The following CTNNA2 variants were observed in gnomAD, a reference collection of about 807,000 sequenced individuals.
CTNNA2 encodes catenin alpha 2.
In CTNNA2, 42 loss-of-function variants were observed where a neutral mutation model predicts 101.0. That is an observed-to-expected ratio of 0.42 (90% confidence interval 0.32 to 0.54). The LOEUF is 0.54. Among genes scored for constraint, CTNNA2 ranks in the 20% least tolerant of loss-of-function variants. CTNNA2 has a pLI of 0.14. For missense variants in CTNNA2, 871 were observed against 1,223.1 expected (o/e 0.71, Z 4.29); for synonymous variants, 450 against 456.4 (o/e 0.99, Z 0.18).
intron 7 of CTNNA2, among the ~76,000 whole-genome samples, chr2:80,237,981 G>A (rs1709633529): frequency 6.7e-6 from 1 of 149,764 alleles, no homozygotes; most frequent in East Asian, 1.9e-4. Flanking sequence ...TCTTTTTCTT[G>A]CTCCCCCTAG....
intron 4 of CTNNA2, among the ~76,000 whole-genome samples, chr2:79,462,782 G>T (rs1029908302): frequency 1.3e-5 from 2 of 152,176 alleles, no homozygotes; most frequent in Non-Finnish European, 2.9e-5. Flanking sequence ...TCTGTGCCAG[G>T]TGCTGACTCT....
At chr2:79,388,298 T>G (rs1278920760) in intron 4 of CTNNA2, among the ~76,000 whole-genome samples, 2 of 152,192 alleles carry the variant, frequency 1.3e-5, no homozygotes, top group African/African-American at 4.8e-5. Context: ...GGAAGCTGAC[T>G]TCTGGGAGGT....
chr2:79,817,594 A>C (rs1329207873), intron 3 of CTNNA2, among the ~76,000 whole-genome samples: 2 of 151,598 alleles, frequency 1.3e-5, no homozygotes, highest in African/African-American at 4.8e-5. Context: ...GCACCAGGAG[A>C]CCTCTCTTAA....
chr2:79,402,317 A>C (rs1329726937), intron 4 of CTNNA2, among the ~76,000 whole-genome samples: 1 of 151,806 alleles, frequency 6.6e-6, no homozygotes, highest in Non-Finnish European at 1.5e-5. Flanking sequence ...TATAAACCTC[A>C]TAGATAGATG....
chr2:80,615,407 A>G (rs776441691), intron 17 of CTNNA2, among the ~76,000 whole-genome samples: 4 of 151,580 alleles, frequency 2.6e-5, no homozygotes. Context: ...CATCCCTACT[A>G]TGTAAAAGGC....
At chr2:79,333,173 A>G (rs1290782386) in intron 3 of CTNNA2, among the ~76,000 whole-genome samples, 2 of 152,140 alleles carry the variant, frequency 1.3e-5, no homozygotes, top group African/African-American at 4.8e-5. Flanking sequence ...CCTATTAGAA[A>G]AGATAATAAG....
chr2:80,461,536 A>G (rs1201030045), intron 9 of CTNNA2, among the ~76,000 whole-genome samples: 2 of 151,832 alleles, frequency 1.3e-5, no homozygotes, highest in African/African-American at 2.4e-5. Flanking sequence ...CTGCCTTATC[A>G]TGCCTTAACT....
At chr2:80,265,287 A>C (rs907263451) in intron 7 of CTNNA2, among the ~76,000 whole-genome samples, 2 of 152,138 alleles carry the variant, frequency 1.3e-5, no homozygotes, top group Non-Finnish European at 2.9e-5. Context: ...GAAGAGTTCT[A>C]GGCAGAAGAG....
chr2:79,220,271 T>A (rs188949648), intron 2 of CTNNA2, among the ~76,000 whole-genome samples: 1 of 152,278 alleles, frequency 6.6e-6, no homozygotes, highest in Non-Finnish European at 1.5e-5. Flanking sequence ...TTAAGATCTC[T>A]TATTCCAACT....
At chr2:79,214,791 T>C (rs1674225885) in intron 2 of CTNNA2, among the ~76,000 whole-genome samples, 1 of 152,026 alleles carries the variant, frequency 6.6e-6, no homozygotes. Flanking sequence ...CTCGGCCTAA[T>C]AAGGGAACTG....
intron 1 of CTNNA2, among the ~76,000 whole-genome samples, chr2:79,533,919 G>A (rs773449968): frequency 2.0e-5 from 3 of 152,024 alleles, no homozygotes; most frequent in Non-Finnish European, 2.9e-5. Flanking sequence ...TCTCCTGCTC[G>A]GCCTTGCTGG....
chr2:80,300,973 C>T (rs763024738), intron 7 of CTNNA2, among the ~76,000 whole-genome samples: 1 of 151,808 alleles, frequency 6.6e-6, no homozygotes, highest in Non-Finnish European at 1.5e-5. Flanking sequence ...GGAAAGCAAG[C>T]ATTACACAAA....
At chr2:79,365,233 T>C (rs1677718378) in intron 3 of CTNNA2, among the ~76,000 whole-genome samples, 1 of 151,672 alleles carries the variant, frequency 6.6e-6, no homozygotes. Flanking sequence ...GTCGAGATCA[T>C]GTCACTGCAC....
chr2:80,157,137 A>G (rs760836058), intron 7 of CTNNA2, among the ~76,000 whole-genome samples: 24 of 152,094 alleles, frequency 1.6e-4, no homozygotes, highest in Admixed American at 6.6e-5. Flanking sequence ...AACTTCCTCA[A>G]TCTTTTCAGG....
chr2:79,406,490 G>A (rs549702337), intron 4 of CTNNA2, among the ~76,000 whole-genome samples: 1 of 152,048 alleles, frequency 6.6e-6, no homozygotes, highest in South Asian at 2.1e-4. Flanking sequence ...AAATTCTGGG[G>A]TCTTTTCAGT....
chr2:80,516,800 G>T (rs924044803), intron 9 of CTNNA2, among the ~76,000 whole-genome samples: 2 of 152,194 alleles, frequency 1.3e-5, no homozygotes, highest in South Asian at 4.1e-4. Context: ...CAAATTAAGT[G>T]CCAGATTCCA....
intron 1 of CTNNA2, chr2:79,573,683 G>A (rs1675608486): frequency 6.6e-6 from 1 of 152,096 alleles, no homozygotes; most frequent in Admixed American, 6.6e-5. Flanking sequence ...AACAACACAA[G>A]AAAATAATAA....
At chr2:79,270,703 A>G (rs17016675) in intron 2 of CTNNA2, among the ~76,000 whole-genome samples, 18,859 of 151,882 alleles carry the variant, frequency 0.12, 1,205 homozygotes, top group African/African-American at 0.15. Context: ...CCCACTCTGA[A>G]AAAATGCACT....
intron 7 of CTNNA2, among the ~76,000 whole-genome samples, chr2:79,921,029 A>G (rs1485221065): frequency 2.0e-5 from 3 of 152,164 alleles, no homozygotes; most frequent in Non-Finnish European, 2.9e-5. Flanking sequence ...ATCACTTCCT[A>G]AAAGACACAA....
Sources: allele counts gnomAD v4.1 joint callset (sites outside exome capture counted in the v4.1 genomes callset), GRCh38; gene constraint gnomAD v4.1.1; transcripts MANE v1.5; gene names NCBI Gene and HGNC (gene_info 2026-07-23, HGNC 2026-07-21).